PDZD2: variants seen among roughly 807,000 people sequenced by gnomAD.
PDZD2 encodes PDZ domain-containing protein 2.
Under a neutral mutation model 220.7 loss-of-function variants are expected in PDZD2, and 90 were observed. The observed-to-expected ratio is 0.41, with a 90% CI of 0.34 to 0.49. The LOEUF is 0.49. PDZD2 is among the 20% of genes least tolerant of loss of function. The pLI is 0.28. For missense variants in PDZD2, 3,174 were observed against 3,608.5 expected, an observed-to-expected ratio of 0.88 and a Z score of 3.08; for synonymous variants, 1,375 against 1,450.5, an observed-to-expected ratio of 0.95 and a Z score of 1.18.
intron 1 of PDZD2, chr5:31,725,980 G>C (rs1393377641): frequency 1.8e-6 from 1 of 545,706 alleles, no homozygotes; most frequent in Non-Finnish European, 3.3e-6. Flanking sequence ...AGGCAGTCTT[G>C]GATACTCCTG....
At chr5:31,883,140 TTAATAACTA>T (rs1018183905) in intron 2 of PDZD2, among the ~76,000 whole-genome samples, 1 of 151,090 alleles carries the variant, frequency 6.6e-6, no homozygotes, top group African/African-American at 2.4e-5. Context: ...AGTTAATGCA[TTAATAACTA>T]GACAGTCATG....
At chr5:32,067,420 T>G (rs1184522235) in intron 14 of PDZD2, among the ~76,000 whole-genome samples, 1 of 152,258 alleles carries the variant, frequency 6.6e-6, no homozygotes, top group Non-Finnish European at 1.5e-5. Flanking sequence ...ATAAAATTAT[T>G]CTCTACTATG....
chr5:31,928,352 A>T (rs1434910473), intron 2 of PDZD2, among the ~76,000 whole-genome samples: 2 of 152,172 alleles, frequency 1.3e-5, no homozygotes, highest in African/African-American at 2.4e-5. Context: ...ATACTTCTCA[A>T]ACCCATTTGA....
chr5:32,071,312 G>A (rs1561502221), intron 15 of PDZD2, 72 bp from the exon 16 acceptor site: 1 of 1,084,508 alleles, frequency 9.2e-7, no homozygotes, highest in Non-Finnish European at 1.4e-6. Context: ...TCCTTTTCTA[G>A]TTAAGGATGT....
At chr5:31,908,955 G>A in intron 2 of PDZD2, 1 of 329,078 alleles carries the variant, frequency 3.0e-6, no homozygotes, top group South Asian at 3.0e-5. Flanking sequence ...GCTGAGGTGG[G>A]AGAATTGCTG....
chr5:31,913,344 A>AG (rs1452469059), intron 2 of PDZD2, among the ~76,000 whole-genome samples: 1 of 150,952 alleles, frequency 6.6e-6, no homozygotes, highest in Non-Finnish European at 1.5e-5. Context: ...TCCTTGGGGA[A>AG]AAAAAAAAAA....
At position 31,927,279 on chromosome 5, in the gene PDZD2, G is replaced by A. The variant is rs541031416; in HGVS notation, c.477-55876G>A. Among the ~76,000 whole-genome samples, 3 of 152,294 alleles carry A rather than the reference G, an allele frequency of 2.0e-5. No individual in the cohort carries two copies. In the East Asian group the frequency reaches 5.8e-4, roughly 29 times the overall value. ...CATAGTACCATGTTGCATCATGGGA[G>A]AGAAAAAAAGTGAGGGCAGGGCTGG... On this transcript the variant is annotated intron_variant, in intron 2 of 24. Coordinates refer to ENST00000438447, the MANE Select transcript of PDZD2 (RefSeq NM_178140.4).
At chr5:31,912,007 T>C (rs1230598112) in intron 2 of PDZD2, among the ~76,000 whole-genome samples, 3 of 152,214 alleles carry the variant, frequency 2.0e-5, no homozygotes, top group Admixed American at 1.3e-4. Context: ...AGTGAATCAG[T>C]CTACAGTGTC....
rs190866925 is a variant in PDZD2, at chr5:31,668,103, T to C, written c.-361+28666T>C. On this transcript the variant is annotated intron_variant, in intron 1 of 24. Transcript: ENST00000438447. Reference sequence around the variant, plus strand: ...GTCTTGAACTCCTGACTTTGTGATCTGCCCACCTCTGCCTTCCAAAGTACT... The same window carrying C: ...GTCTTGAACTCCTGACTTTGTGATCCGCCCACCTCTGCCTTCCAAAGTACT... Among the ~76,000 whole-genome samples the C allele has an allele frequency of 2.3e-3, 354 of 152,256 alleles. 2 individuals are homozygous for C. The highest frequency in any genetic ancestry group is 8.0e-3 in the African/African-American group (332 of 41,560).
chr5:31,734,340 G>T (rs1749715362), intron 1 of PDZD2, among the ~76,000 whole-genome samples: 1 of 152,118 alleles, frequency 6.6e-6, no homozygotes, highest in African/African-American at 2.4e-5. Context: ...TGTTTTTTGA[G>T]ATGGAGTCTC....
intron 1 of PDZD2, among the ~76,000 whole-genome samples, chr5:31,769,338 T>C (rs944459322): frequency 6.6e-6 from 1 of 152,240 alleles, no homozygotes; most frequent in Non-Finnish European, 1.5e-5. Context: ...TTCACCTCAC[T>C]GAGGATAAAA....
intron 2 of PDZD2, chr5:31,840,401 T>C (rs1757201209): frequency 9.8e-5 from 1 of 10,232 alleles, no homozygotes; most frequent in African/African-American, 3.1e-4. Context: ...TTTCATTATA[T>C]ATATATATAT....
At position 32,000,208 on chromosome 5, in the gene PDZD2, C is replaced by T. The variant is rs190810711; in HGVS notation, c.1191C>T (p.His397=). 19 of 1,614,078 alleles carry T rather than the reference C, an allele frequency of 1.2e-5. No homozygotes were observed. In the East Asian group the frequency reaches 1.3e-4, roughly 11 times the overall value. Reference sequence around the variant, plus strand: ...GTCATTTACTGGTCGGGCTCTCCCACGAGGAAGCAGTGGCCATTCTTCGCT... The same window carrying T: ...GTCATTTACTGGTCGGGCTCTCCCATGAGGAAGCAGTGGCCATTCTTCGCT... ...INGHLLVGLS[H]EEAVAILRSA... The change falls in exon 5 of 25, where the codon CAC becomes CAT. Residue 397 remains histidine, a synonymous_variant. Transcript: ENST00000438447. The surrounding 1 kb of genome is among the most constrained non-coding windows in gnomAD (Gnocchi z 4.5).
chr5:31,746,312 T>C (rs1750603338), intron 1 of PDZD2, among the ~76,000 whole-genome samples: 1 of 152,160 alleles, frequency 6.6e-6, no homozygotes, highest in South Asian at 2.1e-4. Context: ...AATGTCAATT[T>C]TTGCATTGAC....
At chr5:31,865,923 A>G (rs1366216282) in intron 2 of PDZD2, among the ~76,000 whole-genome samples, 3 of 144,494 alleles carry the variant, frequency 2.1e-5, no homozygotes, top group African/African-American at 7.7e-5. Flanking sequence ...GAGCCACCGC[A>G]CCTGCCCTTT....
rs70957998 is a variant in PDZD2, at chr5:32,025,591, CTTTTTTTTTTTTTTTT to C, written c.1408-11627_1408-11612del. Among the ~76,000 whole-genome samples, 23 of 67,508 alleles carry C rather than the reference CTTTTTTTTTTTTTTTT, an allele frequency of 3.4e-4. 1 individual carries two copies. In the Admixed American group the frequency reaches 4.4e-3, roughly 13 times the overall value. 44.3% of individuals were successfully genotyped at this position (67,508 alleles called of 152,430 possible). The stretch of plus-strand genomic sequence containing the variant: ...AGTGAGCCCAAATGTAACCATGATG[CTTTTTTTTTTTTTTTT>C]TTTTTTTTTTTTGGAAACAGTCTCA... On this transcript the variant is annotated intron_variant, in intron 6 of 24. Transcript: ENST00000438447.
At chr5:31,897,413 C>T (rs959179546) in intron 2 of PDZD2, among the ~76,000 whole-genome samples, 2 of 152,112 alleles carry the variant, frequency 1.3e-5, no homozygotes, top group East Asian at 3.9e-4. Flanking sequence ...CCTCTCAGCC[C>T]TCAGAGTGTT....
At chr5:32,042,584 A>T (rs10044504) in intron 7 of PDZD2, among the ~76,000 whole-genome samples, 3,445 of 152,098 alleles carry the variant, frequency 0.023, 138 homozygotes, top group African/African-American at 0.079. Flanking sequence ...AAAGAAAAAG[A>T]AAAAAAAGAA....
intron 2 of PDZD2, among the ~76,000 whole-genome samples, chr5:31,840,050 A>T (rs971837302): frequency 6.6e-6 from 1 of 152,020 alleles, no homozygotes; most frequent in Non-Finnish European, 1.5e-5. Context: ...TGGACTAGTA[A>T]ACCCTGTATC....
Sources: gnomAD v4.1 joint callset for allele counts (sites outside exome capture counted in the v4.1 genomes callset) on GRCh38, gnomAD v4.1.1 for gene constraint, Gnocchi (gnomAD v3.1) non-coding constraint, MANE v1.5 for transcripts, NCBI Gene and HGNC (gene_info 2026-07-23, HGNC 2026-07-21) for gene names.